C12orf54: variants seen among roughly 807,000 people sequenced by gnomAD.
C12orf54 encodes the protein uncharacterized protein C12orf54.
C12orf54 carries 24 observed loss-of-function variants against 26.4 expected under a neutral mutation model. The observed-to-expected ratio is 0.91, with a 90% CI of 0.66 to 1.28. The LOEUF is 1.28. Among genes scored for constraint, C12orf54 ranks in the 50% most tolerant of loss-of-function variants. The pLI, the probability that C12orf54 is intolerant of heterozygous loss-of-function variation, is 0.00. For synonymous variants in C12orf54, 54 were observed against 47.0 expected (o/e 1.15, Z -0.61); for missense variants, 154 against 150.9 (o/e 1.02, Z -0.11).
chr12:48,467,718 A>T, the C12orf54 span, among the ~76,000 whole-genome samples: 1 of 152,140 alleles, frequency 6.6e-6, no homozygotes, highest in Non-Finnish European at 1.5e-5. Flanking sequence ...GGATATTTTC[A>T]TTATCTTGTT....
At chr12:48,426,197 C>A in the C12orf54 span, among the ~76,000 whole-genome samples, 1 of 152,014 alleles carries the variant, frequency 6.6e-6, no homozygotes, top group African/African-American at 2.4e-5. Flanking sequence ...AGGTTGTCTT[C>A]CAAGGTTTTT....
At chr12:48,424,734 T>C in the C12orf54 span, among the ~76,000 whole-genome samples, 2 of 152,288 alleles carry the variant, frequency 1.3e-5, no homozygotes, top group African/African-American at 2.4e-5. Flanking sequence ...CACATATGTC[T>C]TCACAAAGAC....
the C12orf54 span, among the ~76,000 whole-genome samples, chr12:48,446,399 C>A: frequency 6.6e-6 from 1 of 152,164 alleles, no homozygotes; most frequent in East Asian, 1.9e-4. Context: ...TTTCATACTT[C>A]CCCTGGCATA....
At position 48,490,792 on chromosome 12, in the gene C12orf54, G is replaced by A. The variant is rs1001288472; in HGVS notation, c.169-20G>A. On this transcript the variant is annotated intron_variant, in intron 5 of 8. Transcript: ENST00000548364. ...AGACCAGCCCCCATCATCTCTGACT[G>A]TATTCTCATTATTTTTCAGCTGCAG... 6.2e-7 allele frequency: 1 copy of A among 1,613,316 alleles called. No homozygotes were observed.
At chr12:48,433,923 GTGGGTGCAGTGCAC>G in the C12orf54 span, among the ~76,000 whole-genome samples, 6 of 152,330 alleles carry the variant, frequency 3.9e-5, no homozygotes, top group South Asian at 8.3e-4. Flanking sequence ...GTGCAGGACA[GTGGGTGCAGTGCAC>G]CATGCATGAG....
chr12:48,423,903 G>A, the C12orf54 span, among the ~76,000 whole-genome samples: 20 of 151,982 alleles, frequency 1.3e-4, no homozygotes, highest in Non-Finnish European at 2.6e-4. Context: ...AGGCATCCTT[G>A]CCTTGTTCTC....
chr12:48,475,276 A>G, the C12orf54 span, among the ~76,000 whole-genome samples: 2 of 150,726 alleles, frequency 1.3e-5, no homozygotes, highest in Admixed American at 1.3e-4. Context: ...ACAAAGGTAG[A>G]TAAAACCACA....
At chr12:48,477,029 A>G in the C12orf54 span, among the ~76,000 whole-genome samples, 41 of 152,352 alleles carry the variant, frequency 2.7e-4, no homozygotes, top group African/African-American at 9.6e-4. Context: ...AAAAGAACAG[A>G]AATAATAACA....
At chr12:48,490,960 T>C in intron 6 of C12orf54, 124 bp downstream of exon 6, 2 of 1,183,706 alleles carry the variant, frequency 1.7e-6, no homozygotes, top group Middle Eastern at 4.0e-4. Flanking sequence ...ATGGAGTTCA[T>C]CCCAAAGTCT....
At chr12:48,451,694 A>C in the C12orf54 span, among the ~76,000 whole-genome samples, 22,062 of 152,152 alleles carry the variant, frequency 0.14, 2,822 homozygotes, top group East Asian at 0.66. Context: ...CTATACACCA[A>C]CAACAGGCAA....
the C12orf54 span, among the ~76,000 whole-genome samples, chr12:48,448,880 G>A: frequency 6.6e-6 from 1 of 152,176 alleles, no homozygotes; most frequent in Non-Finnish European, 1.5e-5. Flanking sequence ...AGGTGGTCAG[G>A]TGCAGCTTGG....
chr12:48,418,369 G>T, the C12orf54 span, among the ~76,000 whole-genome samples: 3 of 152,164 alleles, frequency 2.0e-5, no homozygotes, highest in African/African-American at 7.2e-5. Flanking sequence ...AGTGTGGAAG[G>T]TCTATTCAAT....
the C12orf54 span, among the ~76,000 whole-genome samples, chr12:48,416,181 CTT>C: frequency 6.6e-6 from 1 of 152,314 alleles, no homozygotes; most frequent in South Asian, 2.1e-4. Flanking sequence ...TGATTCTACT[CTT>C]GTCCTTCTAT....
intron 6 of C12orf54, among the ~76,000 whole-genome samples, chr12:48,492,231 TAC>T (rs2137096261): frequency 6.6e-6 from 1 of 152,248 alleles, no homozygotes; most frequent in Admixed American, 6.5e-5. Context: ...GATCTTTAAA[TAC>T]AGACATTCCC....
chr12:48,491,991 T>C (rs1592203941), intron 6 of C12orf54, among the ~76,000 whole-genome samples: 1 of 152,240 alleles, frequency 6.6e-6, no homozygotes, highest in East Asian at 1.9e-4. Context: ...CAAGGATATA[T>C]ATGACTGAGC....
At chr12:48,489,261 A>G (rs1302754126) in intron 5 of C12orf54, 1 of 555,336 alleles carries the variant, frequency 1.8e-6, no homozygotes, top group African/African-American at 1.9e-5. Context: ...AGCTGGGGAG[A>G]ATCCCCTAGT....
chr12:48,483,523 T>C (rs942957174), intron 2 of C12orf54, 162 bp downstream of exon 2: 12 of 590,318 alleles, frequency 2.0e-5, no homozygotes, highest in Non-Finnish European at 3.3e-5. Context: ...TCCATCTCCT[T>C]AATGAAAGAG....
At chr12:48,433,773 T>C in the C12orf54 span, among the ~76,000 whole-genome samples, 2 of 152,030 alleles carry the variant, frequency 1.3e-5, no homozygotes, top group Admixed American at 6.6e-5. Flanking sequence ...AAATATTCTT[T>C]GCCAGCGGTG....
At chr12:48,457,629 G>C in the C12orf54 span, among the ~76,000 whole-genome samples, 1 of 152,128 alleles carries the variant, frequency 6.6e-6, no homozygotes, top group South Asian at 2.1e-4. Context: ...TTCTCTGCCA[G>C]GGAAAATTGT....
Sources: gnomAD v4.1 joint callset for allele counts (sites outside exome capture counted in the v4.1 genomes callset) on GRCh38, gnomAD v4.1.1 for gene constraint, MANE v1.5 for transcripts, NCBI Gene and HGNC (gene_info 2026-07-23, HGNC 2026-07-21) for gene names.